The following MBOAT1 variants were observed in gnomAD, a reference collection of about 807,000 sequenced individuals.
MBOAT1 encodes the protein membrane-bound glycerophospholipid O-acyltransferase 1.
Under a neutral mutation model 64.4 loss-of-function variants are expected in MBOAT1, and 67 were observed. The ratio of observed to expected loss-of-function variants is 1.04; its 90% CI spans 0.85 to 1.27. MBOAT1 has a LOEUF of 1.27. Among genes scored for constraint, MBOAT1 ranks in the 50% most tolerant of loss-of-function variants. The probability of loss-of-function intolerance (pLI) is 0.00; values close to 1 mark genes in which losing one functional copy is unlikely to be tolerated. For missense variants in MBOAT1, 563 were observed against 604.6 expected (o/e 0.93, Z 0.72); for synonymous variants, 229 against 218.9 (o/e 1.05, Z -0.41).
chr6:20,173,116 C>T (rs920853232), intron 1 of MBOAT1, among the ~76,000 whole-genome samples: 2 of 152,178 alleles, frequency 1.3e-5, no homozygotes, highest in African/African-American at 4.8e-5. Flanking sequence ...ATTATAAGTT[C>T]CCTGAGGCCT....
At chr6:20,136,216 G>C (rs968276931) in intron 4 of MBOAT1, among the ~76,000 whole-genome samples, 5 of 152,156 alleles carry the variant, frequency 3.3e-5, no homozygotes, top group Admixed American at 3.3e-4. Flanking sequence ...TCACGCCTCT[G>C]GACTCATTTC....
At chr6:20,167,232 G>A (rs1329052736) in intron 1 of MBOAT1, among the ~76,000 whole-genome samples, 1 of 152,088 alleles carries the variant, frequency 6.6e-6, no homozygotes, top group African/African-American at 2.4e-5. Flanking sequence ...TAGCACCATT[G>A]TATCTATATC....
chr6:20,135,265 G>A lies in MBOAT1; in HGVS notation c.420-4066C>T, dbSNP rs111548864. Reference sequence around the variant, plus strand: ...ATCTTATGTTTCTTCTTGAAACTAAGATCATTAGTCAAGACTAGACAATGA... The same window carrying A: ...ATCTTATGTTTCTTCTTGAAACTAAAATCATTAGTCAAGACTAGACAATGA... On this transcript the variant is annotated intron_variant, in intron 4 of 12. Coordinates refer to ENST00000324607, the MANE Select transcript of MBOAT1 (RefSeq NM_001080480.3). Among the ~76,000 whole-genome samples, 1,299 of 152,044 alleles carry A rather than the reference G, an allele frequency of 8.5e-3. 19 individuals are homozygous for A. Among genetic ancestry groups the A allele is most frequent in the African/African-American group, 0.03 (1,226 of 41,446 alleles).
intron 5 of MBOAT1, among the ~76,000 whole-genome samples, chr6:20,129,952 G>A (rs1760769267): frequency 6.6e-6 from 1 of 152,154 alleles, no homozygotes; most frequent in Non-Finnish European, 1.5e-5. Flanking sequence ...TCCATCCTTG[G>A]TATAAAACTA....
At chr6:20,133,525 A>G (rs1207916726) in intron 4 of MBOAT1, among the ~76,000 whole-genome samples, 3 of 152,186 alleles carry the variant, frequency 2.0e-5, no homozygotes, top group African/African-American at 7.2e-5. Flanking sequence ...TCAAAGCACA[A>G]GAGTTTTCTT....
chr6:20,191,628 A>T (rs1202212), intron 1 of MBOAT1, among the ~76,000 whole-genome samples: 72,650 of 151,998 alleles, frequency 0.48, 18,862 homozygotes, highest in Non-Finnish European at 0.57. Flanking sequence ...CCACAGTATC[A>T]CCTACTGCAG....
chr6:20,175,459 T>A (rs1762314802), intron 1 of MBOAT1, among the ~76,000 whole-genome samples: 1 of 151,940 alleles, frequency 6.6e-6, no homozygotes, highest in Admixed American at 6.6e-5. Flanking sequence ...ATTTATTTAT[T>A]TTTTTGAAAT....
intron 8 of MBOAT1, among the ~76,000 whole-genome samples, chr6:20,119,532 C>A (rs1760430392): frequency 6.6e-6 from 1 of 152,142 alleles, no homozygotes; most frequent in Non-Finnish European, 1.5e-5. Context: ...TCTAGATGGC[C>A]TTTGAAGAGC....
intron 1 of MBOAT1, among the ~76,000 whole-genome samples, chr6:20,161,352 T>C (rs758067033): frequency 5.9e-5 from 9 of 152,014 alleles, no homozygotes; most frequent in Admixed American, 2.6e-4. Flanking sequence ...ATTATTTCAT[T>C]ATATATTACA....
chr6:20,134,902 CTTTT>C lies in MBOAT1; in HGVS notation c.420-3707_420-3704del, dbSNP rs3057688. ...TTGGTTTATGATTGGAATTCATGTT[CTTTT>C]TTTTTTTTTTTTTTTTTGCAAAAAA... On this transcript the variant is annotated intron_variant, in intron 4 of 12. Transcript: ENST00000324607. Among the ~76,000 whole-genome samples, 899 of 104,756 alleles carry C rather than the reference CTTTT, an allele frequency of 8.6e-3. 8 individuals are homozygous for C. Among genetic ancestry groups the C allele is most frequent in the African/African-American group, 0.024 (680 of 27,908 alleles). 68.7% of individuals were successfully genotyped at this position (104,756 alleles called of 152,430 possible). A position where few individuals can be genotyped will look rare whatever the true frequency, so the allele number is the denominator to read the frequency against.
chr6:20,180,770 G>T (rs1456275676), intron 1 of MBOAT1, among the ~76,000 whole-genome samples: 1 of 152,114 alleles, frequency 6.6e-6, no homozygotes, highest in Non-Finnish European at 1.5e-5. Context: ...TGATACTTTT[G>T]ATGTTTTACA....
intron 4 of MBOAT1, among the ~76,000 whole-genome samples, chr6:20,134,390 AT>A (rs1760917945): frequency 6.6e-6 from 1 of 152,086 alleles, no homozygotes; most frequent in South Asian, 2.1e-4. Flanking sequence ...AAAAAAAAAA[AT>A]AGAAGCTATG....
intron 1 of MBOAT1, among the ~76,000 whole-genome samples, chr6:20,196,936 G>A (rs1321323210): frequency 6.6e-6 from 1 of 152,068 alleles, no homozygotes; most frequent in East Asian, 1.9e-4. Flanking sequence ...GGTAAGGTAT[G>A]AGATCCCAGA....
At chr6:20,147,076 T>G (rs1761346719) in intron 3 of MBOAT1, among the ~76,000 whole-genome samples, 1 of 152,218 alleles carries the variant, frequency 6.6e-6, no homozygotes, top group Non-Finnish European at 1.5e-5. Flanking sequence ...GGATTTCCCC[T>G]ACACAAGTTC....
chr6:20,196,445 G>A (rs569727924), intron 1 of MBOAT1, among the ~76,000 whole-genome samples: 7 of 152,156 alleles, frequency 4.6e-5, no homozygotes, highest in Non-Finnish European at 5.9e-5. Flanking sequence ...GAGGAAGAAG[G>A]GGGGATAGGG....
intron 8 of MBOAT1, among the ~76,000 whole-genome samples, chr6:20,120,623 C>T (rs924811759): frequency 6.6e-6 from 1 of 151,792 alleles, no homozygotes; most frequent in African/African-American, 2.4e-5. Flanking sequence ...TAGCCAAGAT[C>T]GCGCCATTGC....
chr6:20,122,530 T>C (rs1311758017), intron 8 of MBOAT1, among the ~76,000 whole-genome samples: 1 of 152,174 alleles, frequency 6.6e-6, no homozygotes, highest in Non-Finnish European at 1.5e-5. Context: ...AAAATTTCCC[T>C]CATTGTAAAT....
intron 4 of MBOAT1, 59 bp downstream of exon 4, chr6:20,144,161 C>T: frequency 1.8e-6 from 2 of 1,133,954 alleles, no homozygotes; most frequent in Non-Finnish European, 2.6e-6. Context: ...GTTTACAGAC[C>T]CCAAGAGACC....
intron 12 of MBOAT1, among the ~76,000 whole-genome samples, chr6:20,107,530 C>G (rs1009312979): frequency 6.6e-6 from 1 of 152,172 alleles, no homozygotes; most frequent in African/African-American, 2.4e-5. Flanking sequence ...ACCATTCACT[C>G]AGAGTATGAT....
Sources: allele counts gnomAD v4.1 joint callset (sites outside exome capture counted in the v4.1 genomes callset), GRCh38; gene constraint gnomAD v4.1.1; transcripts MANE v1.5; gene names NCBI Gene and HGNC (gene_info 2026-07-23, HGNC 2026-07-21).